MAP3K15: variants seen among roughly 807,000 people sequenced by gnomAD.
The protein encoded by MAP3K15 is MAPK/ERK kinase kinase 15.
A neutral mutation model predicts 99.5 loss-of-function variants in MAP3K15; 124 were observed. The ratio of observed to expected loss-of-function variants is 1.25; its 90% CI spans 1.08 to 1.45. The LOEUF is 1.45. Ranked by LOEUF, MAP3K15 falls within the 40% of genes most tolerant of loss-of-function variation. MAP3K15 has a pLI of 0.00. For missense variants in MAP3K15, 1,242 were observed against 1,079.7 expected, an observed-to-expected ratio of 1.15 and a Z score of -2.11; for synonymous variants, 494 against 439.6, an observed-to-expected ratio of 1.12 and a Z score of -1.55.
At chrX:19,386,868 C>A (rs1223043001) in intron 18 of MAP3K15, among the ~76,000 whole-genome samples, 2 of 110,887 alleles carry the variant, frequency 1.8e-5, no homozygotes, top group Admixed American at 1.9e-4. Context: ...GCTGCCTACC[C>A]TCTCCCAAGT....
chrX:19,430,265 T>TA (rs2063870589), intron 7 of MAP3K15, among the ~76,000 whole-genome samples: 1 of 111,819 alleles, frequency 8.9e-6, no homozygotes, highest in Non-Finnish European at 1.9e-5. Flanking sequence ...TTCACTCTCT[T>TA]AGAGTTCTGC....
chrX:19,369,142 G>A lies in MAP3K15; in HGVS notation c.3478C>T (p.Pro1160Ser), dbSNP rs1193093159. The change falls in exon 25 of 29, where the codon CCC becomes TCC. Residue 1160 changes from proline to serine, a missense_variant. Pro to Ser is a moderately conservative substitution (Grantham distance 74, BLOSUM62 -1). Coordinates refer to ENST00000338883, the MANE Select transcript of MAP3K15 (RefSeq NM_001001671.4). ...TCCTGGCCAGGTCCGGTGGCTGGGGGATAGCCCTCTTCCGCTTCATCCATG... is the reference window on the plus strand; with the variant it reads ...TCCTGGCCAGGTCCGGTGGCTGGGGAATAGCCCTCTTCCGCTTCATCCATG... ...KDMDEAEEGY[P>S]PATGPGQEAQ... 4 of 1,209,113 alleles carry A rather than the reference G, an allele frequency of 3.3e-6. No individual in the cohort carries two copies. The highest frequency in any genetic ancestry group is 4.5e-6 in the Non-Finnish European group (4 of 894,916).
chrX:19,475,372 C>T (rs1292246181), intron 3 of MAP3K15, among the ~76,000 whole-genome samples: 3 of 111,316 alleles, frequency 2.7e-5, no homozygotes, highest in East Asian at 2.8e-4. Flanking sequence ...AAGCTTTCCT[C>T]GCTCGCTGCT....
chrX:19,455,655 CG>C (rs1401505949), intron 6 of MAP3K15, among the ~76,000 whole-genome samples: 1 of 106,989 alleles, frequency 9.3e-6, no homozygotes, highest in Non-Finnish European at 1.9e-5. Flanking sequence ...CCACTGCGGC[CG>C]GCCCCAATTT....
intron 22 of MAP3K15, among the ~76,000 whole-genome samples, chrX:19,372,233 T>C (rs1341165672): frequency 1.8e-5 from 2 of 111,436 alleles, no homozygotes; most frequent in Non-Finnish European, 3.8e-5. Context: ...ATCAGTTATT[T>C]TCACCCATAA....
chrX:19,411,512 G>T (rs2063687788), intron 11 of MAP3K15, among the ~76,000 whole-genome samples: 1 of 112,733 alleles, frequency 8.9e-6, no homozygotes, highest in Admixed American at 9.4e-5. Context: ...AGTGAAGAGA[G>T]ATGGACAATA....
chrX:19,496,066 ATTT>A lies in MAP3K15; in HGVS notation c.362-7102_362-7100del, dbSNP rs374380661. Among the ~76,000 whole-genome samples the A allele has an allele frequency of 6.8e-3, 621 of 91,525 alleles. 5 individuals are homozygous for A. Among genetic ancestry groups the A allele is most frequent in the Admixed American group, 0.011 (92 of 8,356 alleles). The allele number at this position is 91,525 out of a possible 115,157, so 79.5% of individuals were successfully genotyped here. A position where few individuals can be genotyped will look rare whatever the true frequency, so the allele number is the denominator to read the frequency against. ...GGCAGCCAGTGAACACATCACCCCA[ATTT>A]TTTTTTTTTTTTTTTGAGATGGAGT... is the stretch of plus-strand genomic sequence containing the variant. On this transcript the variant is annotated intron_variant, in intron 1 of 28. Coordinates refer to ENST00000338883, the MANE Select transcript of MAP3K15 (RefSeq NM_001001671.4).
At chrX:19,506,482 A>G (rs1009697193) in intron 1 of MAP3K15, among the ~76,000 whole-genome samples, 1 of 112,040 alleles carries the variant, frequency 8.9e-6, no homozygotes, top group Non-Finnish European at 1.9e-5. Context: ...AGCAAAACCA[A>G]ATAACGAATC....
At chrX:19,464,552 CA>C in intron 3 of MAP3K15, 146 bp from the exon 4 acceptor site, 1 of 451,684 alleles carries the variant, frequency 2.2e-6, no homozygotes, top group Non-Finnish European at 3.6e-6. Context: ...CTATTAGGCA[CA>C]AAACAGGAAA....
intron 1 of MAP3K15, among the ~76,000 whole-genome samples, chrX:19,491,352 A>T (rs1602349124): frequency 9.0e-6 from 1 of 111,276 alleles, no homozygotes; most frequent in Non-Finnish European, 1.9e-5. Flanking sequence ...AAAATAAGGG[A>T]AACAGTGAAC....
chrX:19,383,634 G>A (rs191799605), intron 18 of MAP3K15, among the ~76,000 whole-genome samples: 2 of 112,273 alleles, frequency 1.8e-5, no homozygotes, highest in Non-Finnish European at 3.8e-5. Context: ...AACTCTATAA[G>A]AAAACATCTA....
intron 1 of MAP3K15, among the ~76,000 whole-genome samples, chrX:19,512,795 ATCT>A (rs1476617524): frequency 2.7e-5 from 3 of 111,377 alleles, no homozygotes; most frequent in Non-Finnish European, 5.7e-5. Flanking sequence ...GCAACTAAGG[ATCT>A]TACCATTTTT....
intron 18 of MAP3K15, among the ~76,000 whole-genome samples, chrX:19,389,434 G>A (rs1230070174): frequency 9.0e-6 from 1 of 110,968 alleles, no homozygotes; most frequent in Admixed American, 9.6e-5. Flanking sequence ...CCAGGAAGTT[G>A]ACTGAAACCC....
intron 7 of MAP3K15, among the ~76,000 whole-genome samples, chrX:19,428,812 C>CA (rs2147307587): frequency 1.8e-5 from 2 of 110,460 alleles, no homozygotes; most frequent in South Asian, 7.6e-4. Flanking sequence ...ATTAAAAATA[C>CA]AAAAAAATTA....
rs66666219 is a variant in MAP3K15, at chrX:19,461,992, AACACACACACACACACACAC to A, written c.720-1859_720-1840del. Among the ~76,000 whole-genome samples the A allele has an allele frequency of 5.5e-3, 553 of 100,590 alleles. 3 individuals are homozygous for A. Among genetic ancestry groups the A allele is most frequent in the Middle Eastern group, 0.01 (2 of 200 alleles). The allele number at this position is 100,590 out of a possible 115,157, so 87.4% of individuals were successfully genotyped here. A position where few individuals can be genotyped will look rare whatever the true frequency, so the allele number is the denominator to read the frequency against. Reference sequence around the variant, plus strand: ...GGCGACAGAGTGAGACTTGGTCTAAAACACACACACACACACACACACACACACACACACACACACACACA... The same window carrying A: ...GGCGACAGAGTGAGACTTGGTCTAAAACACACACACACACACACACACACA... On this transcript the variant is annotated intron_variant, in intron 4 of 28. Coordinates refer to ENST00000338883, the MANE Select transcript of MAP3K15 (RefSeq NM_001001671.4).
At chrX:19,466,715 G>C (rs1297714146) in intron 3 of MAP3K15, 1 of 112,339 alleles carries the variant, frequency 8.9e-6, no homozygotes, top group Non-Finnish European at 1.9e-5. Flanking sequence ...CAGACAGAGG[G>C]AGAAAAGGAC....
intron 11 of MAP3K15, among the ~76,000 whole-genome samples, chrX:19,411,546 TG>T (rs1205146889): frequency 1.8e-5 from 2 of 111,652 alleles, no homozygotes; most frequent in Non-Finnish European, 3.8e-5. Flanking sequence ...AATCATACCA[TG>T]GGGGGCGGTG....
chrX:19,492,649 A>C (rs918632179), intron 1 of MAP3K15, among the ~76,000 whole-genome samples: 3 of 111,335 alleles, frequency 2.7e-5, no homozygotes, highest in African/African-American at 9.8e-5. Context: ...TGCTTCCTGG[A>C]CTCTTACTTA....
chrX:19,420,261 T>C (rs974664130), intron 9 of MAP3K15, among the ~76,000 whole-genome samples: 7 of 111,291 alleles, frequency 6.3e-5, no homozygotes, highest in Non-Finnish European at 1.3e-4. Context: ...GCTGGTTTTT[T>C]GAAAAGATCA....
Sources: gnomAD v4.1 joint callset for allele counts (sites outside exome capture counted in the v4.1 genomes callset) on GRCh38, gnomAD v4.1.1 for gene constraint, MANE v1.5 for transcripts, NCBI Gene and HGNC (gene_info 2026-07-23, HGNC 2026-07-21) for gene names.